The following CSMD3 variants were observed in gnomAD, a reference collection of about 807,000 sequenced individuals.
CSMD3 encodes CUB and Sushi multiple domains 3.
CSMD3 carries 177 observed loss-of-function variants against 435.2 expected under a neutral mutation model. That is an observed-to-expected ratio of 0.41 (90% CI 0.36 to 0.46). The LOEUF (loss-of-function observed/expected upper bound fraction) is 0.46, where lower values mean the gene tolerates loss of function less well. CSMD3 is among the 20% of genes least tolerant of loss of function. The pLI, the probability that CSMD3 is intolerant of heterozygous loss-of-function variation, is 0.34. For missense variants in CSMD3, 4,265 were observed against 4,504.6 expected (o/e 0.95, Z 1.52); for synonymous variants, 1,656 against 1,520.5 (o/e 1.09, Z -2.07).
intron 4 of CSMD3, among the ~76,000 whole-genome samples, chr8:113,132,224 G>A (rs1003824025): frequency 6.6e-6 from 1 of 152,130 alleles, no homozygotes; most frequent in African/African-American, 2.4e-5. Context: ...TTGGGTTAAT[G>A]CTGAAATGAG....
intron 32 of CSMD3, among the ~76,000 whole-genome samples, chr8:112,468,040 A>C (rs1258393858): frequency 1.3e-5 from 2 of 152,202 alleles, no homozygotes; most frequent in African/African-American, 2.4e-5. Flanking sequence ...AAGTAAGAAG[A>C]GGATGACTGA....
intron 6 of CSMD3, among the ~76,000 whole-genome samples, chr8:113,003,060 T>C (rs1425326593): frequency 6.6e-6 from 1 of 151,936 alleles, no homozygotes; most frequent in Non-Finnish European, 1.5e-5. Flanking sequence ...ATCAATATGG[T>C]GAAACCCCAA....
intron 5 of CSMD3, among the ~76,000 whole-genome samples, chr8:113,055,054 T>G (rs996618033): frequency 6.6e-6 from 1 of 152,206 alleles, no homozygotes; most frequent in African/African-American, 2.4e-5. Context: ...CTTCATAATC[T>G]TATTCACTAC....
At chr8:112,773,645 G>C (rs1017489710) in intron 13 of CSMD3, among the ~76,000 whole-genome samples, 15 of 151,920 alleles carry the variant, frequency 9.9e-5, no homozygotes, top group Admixed American at 3.3e-4. Flanking sequence ...TGAACCTGAA[G>C]AACTAAAGGA....
At chr8:112,870,127 G>C (rs1420556181) in intron 10 of CSMD3, among the ~76,000 whole-genome samples, 1 of 151,564 alleles carries the variant, frequency 6.6e-6, no homozygotes, top group African/African-American at 2.4e-5. Context: ...TAGGTTCAGG[G>C]TACATGCGGC....
chr8:112,407,773 T>C (rs1313940931), intron 34 of CSMD3, among the ~76,000 whole-genome samples: 1 of 152,054 alleles, frequency 6.6e-6, no homozygotes, highest in Non-Finnish European at 1.5e-5. Context: ...GGCTCTTAAC[T>C]TGGTTTAATG....
intron 15 of CSMD3, among the ~76,000 whole-genome samples, chr8:112,683,015 T>C (rs1024846681): frequency 6.6e-6 from 1 of 152,054 alleles, no homozygotes; most frequent in Non-Finnish European, 1.5e-5. Context: ...TTAGTATGTA[T>C]TCCTTTGGAA....
chr8:113,407,673 T>C (rs1270020938), intron 1 of CSMD3, among the ~76,000 whole-genome samples: 1 of 152,026 alleles, frequency 6.6e-6, no homozygotes, highest in East Asian at 1.9e-4. Flanking sequence ...AATATCAATG[T>C]GAAAATACCA....
rs1455388808 is a variant in CSMD3, at chr8:113,063,141, A to AG, written c.917+35614_917+35615insC. On this transcript the variant is annotated intron_variant, in intron 5 of 70. Coordinates refer to ENST00000297405, the MANE Select transcript of CSMD3 (RefSeq NM_198123.2). ...TACATTTGAAGTTTTCCTTCATTTT[A>AG]CTGGTAAAGCATCCAGCTAGAAAAA... 2.0e-5 allele frequency among the ~76,000 whole-genome samples: 3 copies of AG among 151,688 alleles called. No individual in the cohort carries two copies. The East Asian group carries it at 5.8e-4, about 29-fold the overall frequency.
At chr8:113,390,983 ATGT>A (rs2094459090) in intron 1 of CSMD3, among the ~76,000 whole-genome samples, 3 of 152,106 alleles carry the variant, frequency 2.0e-5, no homozygotes, top group Middle Eastern at 6.8e-3. Context: ...AAGATGCTTC[ATGT>A]TGTCAACAGC....
chr8:112,410,652 GTATATATATGTATATATATATGTGTA>G (rs1554670725), intron 32 of CSMD3, among the ~76,000 whole-genome samples: 3 of 36,598 alleles, frequency 8.2e-5, no homozygotes, highest in African/African-American at 1.2e-4. Flanking sequence ...ATATATATGT[GTATATATATGTATATATATATGTGTA>G]TATATATATG....
At chr8:113,205,021 T>A (rs2092755731) in intron 3 of CSMD3, among the ~76,000 whole-genome samples, 1 of 151,710 alleles carries the variant, frequency 6.6e-6, no homozygotes, top group Admixed American at 6.6e-5. Flanking sequence ...TCTCACTCTC[T>A]GGCTCAGGCT....
intron 1 of CSMD3, among the ~76,000 whole-genome samples, chr8:113,417,010 C>T (rs1358693065): frequency 6.6e-6 from 1 of 151,808 alleles, no homozygotes; most frequent in Non-Finnish European, 1.5e-5. Context: ...AATATAAGAA[C>T]ATAATATAAA....
chr8:113,399,522 G>T (rs530276350), intron 1 of CSMD3, among the ~76,000 whole-genome samples: 17 of 150,942 alleles, frequency 1.1e-4, no homozygotes, highest in African/African-American at 3.9e-4. Context: ...AAAACGGTTT[G>T]CTAAATGAAA....
intron 2 of CSMD3, among the ~76,000 whole-genome samples, chr8:113,305,940 T>C (rs2132622829): frequency 6.6e-6 from 1 of 152,290 alleles, no homozygotes; most frequent in East Asian, 1.9e-4. Flanking sequence ...CACAATATAA[T>C]GGTATTTTCA....
intron 13 of CSMD3, among the ~76,000 whole-genome samples, chr8:112,750,106 T>A (rs1158919187): frequency 6.6e-6 from 1 of 151,956 alleles, no homozygotes; most frequent in African/African-American, 2.4e-5. Context: ...TAGAGTGTGG[T>A]CCCTATTACA....
At chr8:113,327,551 C>T (rs1350247326) in intron 1 of CSMD3, among the ~76,000 whole-genome samples, 1 of 152,128 alleles carries the variant, frequency 6.6e-6, no homozygotes, top group Non-Finnish European at 1.5e-5. Context: ...TCAGCAGCCT[C>T]CCATCCCTGG....
At position 112,352,466 on chromosome 8, in the gene CSMD3, T is replaced by C. The variant is rs1266094079; in HGVS notation, c.6205A>G (p.Met2069Val). ...TGAAAGGATACTACATCTCCAACCA[T>C]ATATCTGTCTCCAATTTTAATTCCA... is the stretch of plus-strand genomic sequence containing the variant. ...SSGIKIGDRYMVGDVVSFQCD... is the reference protein window; with the variant it reads ...SSGIKIGDRYVVGDVVSFQCD... Residue 2069 changes from methionine to valine, a missense_variant, in exon 39 of 71, where the codon ATG (methionine) becomes GTG (valine). Met to Val is a conservative substitution (Grantham distance 21). Coordinates refer to ENST00000297405, the MANE Select transcript of CSMD3 (RefSeq NM_198123.2). The C allele has an allele frequency of 6.2e-7, 1 of 1,613,664 alleles. No homozygotes were observed. The highest frequency in any genetic ancestry group is 2.2e-5 in the East Asian group (1 of 44,766).
chr8:113,014,118 G>A (rs549641307), intron 6 of CSMD3, among the ~76,000 whole-genome samples: 3 of 152,144 alleles, frequency 2.0e-5, no homozygotes, highest in South Asian at 2.1e-4. Flanking sequence ...CAGGCATGTC[G>A]TGTCTCTGGA....
Sources: allele counts gnomAD v4.1 joint callset (sites outside exome capture counted in the v4.1 genomes callset), GRCh38; gene constraint gnomAD v4.1.1; transcripts MANE v1.5; gene names NCBI Gene and HGNC (gene_info 2026-07-23, HGNC 2026-07-21).